NBAS: variants seen among roughly 807,000 people sequenced by gnomAD.
NBAS encodes NBAS subunit of NRZ tethering complex, also known as NAG/BC035112 fusion.
A neutral mutation model predicts 302.5 loss-of-function variants in NBAS; 219 were observed. The ratio of observed to expected loss-of-function variants is 0.72; its 90% CI spans 0.65 to 0.81. The LOEUF is 0.81. Among genes scored for constraint, NBAS ranks in the 30% least tolerant of loss-of-function variants. NBAS has a pLI of 0.00. For synonymous variants in NBAS, 1,118 were observed against 1,021.6 expected, an observed-to-expected ratio of 1.09 and a Z score of -1.80; for missense variants, 2,932 against 2,841.6, an observed-to-expected ratio of 1.03 and a Z score of -0.72.
intron 28 of NBAS, among the ~76,000 whole-genome samples, chr2:15,392,498 G>T (rs1485358838): frequency 1.3e-5 from 2 of 151,886 alleles, no homozygotes; most frequent in African/African-American, 2.4e-5. Context: ...ATCTGAAGAT[G>T]AAATTAAGAA....
At chr2:15,361,613 G>A (rs1174501032) in intron 32 of NBAS, among the ~76,000 whole-genome samples, 1 of 152,138 alleles carries the variant, frequency 6.6e-6, no homozygotes, top group Non-Finnish European at 1.5e-5. Context: ...ATGTAATTTG[G>A]ATATGTAGGC....
intron 21 of NBAS, among the ~76,000 whole-genome samples, chr2:15,446,053 A>G (rs1248724362): frequency 6.6e-6 from 1 of 152,048 alleles, no homozygotes; most frequent in Non-Finnish European, 1.5e-5. Context: ...AGATATGATC[A>G]CATGGTCAAC....
At chr2:15,298,864 C>A (rs149885262) in intron 40 of NBAS, among the ~76,000 whole-genome samples, 1 of 152,162 alleles carries the variant, frequency 6.6e-6, no homozygotes, top group South Asian at 2.1e-4. Context: ...TTTAGAGACA[C>A]GCCCATTTGT....
intron 11 of NBAS, among the ~76,000 whole-genome samples, chr2:15,494,787 G>C (rs1445418267): frequency 1.3e-5 from 2 of 152,126 alleles, no homozygotes; most frequent in African/African-American, 2.4e-5. Flanking sequence ...TAGAAATCTA[G>C]GCTGGAAAAA....
At chr2:15,359,264 CAATT>C (rs1401456293) in intron 32 of NBAS, among the ~76,000 whole-genome samples, 2 of 152,062 alleles carry the variant, frequency 1.3e-5, no homozygotes, top group Admixed American at 1.3e-4. Context: ...TGTCTATTGT[CAATT>C]AATTCACAGG....
chr2:14,811,425 T>G, the NBAS span, among the ~76,000 whole-genome samples: 8 of 151,898 alleles, frequency 5.3e-5, no homozygotes, highest in Admixed American at 5.2e-4. Context: ...AAAAAAAGAA[T>G]AAGGTTTTCG....
At chr2:15,217,380 G>A (rs1483538378) in intron 48 of NBAS, among the ~76,000 whole-genome samples, 1 of 152,112 alleles carries the variant, frequency 6.6e-6, no homozygotes, top group Non-Finnish European at 1.5e-5. Flanking sequence ...TCTCACAGAG[G>A]GAAATAAGAC....
intron 7 of NBAS, chr2:15,538,386 AT>A: frequency 2.3e-6 from 1 of 436,358 alleles, no homozygotes; most frequent in Non-Finnish European, 4.6e-6. Context: ...TGAAAAAAAA[AT>A]CATTATCTAT....
intron 21 of NBAS, among the ~76,000 whole-genome samples, chr2:15,436,915 A>G (rs892860568): frequency 4.6e-5 from 7 of 152,194 alleles, no homozygotes; most frequent in Non-Finnish European, 8.8e-5. Context: ...ATAGATAGAC[A>G]GGAGGATGGA....
At chr2:14,856,200 C>T in the NBAS span, among the ~76,000 whole-genome samples, 1 of 152,202 alleles carries the variant, frequency 6.6e-6, no homozygotes, top group African/African-American at 2.4e-5. Context: ...ACAATCAAGG[C>T]AGTACCTCTA....
At chr2:14,981,162 G>A in the NBAS span, among the ~76,000 whole-genome samples, 1 of 152,042 alleles carries the variant, frequency 6.6e-6, no homozygotes, top group East Asian at 1.9e-4. Flanking sequence ...CCCACCAAGT[G>A]ACCCAGCACA....
chr2:15,248,747 C>T (rs1468436411), intron 44 of NBAS, among the ~76,000 whole-genome samples: 2 of 152,140 alleles, frequency 1.3e-5, no homozygotes, highest in Non-Finnish European at 2.9e-5. Flanking sequence ...CACATACACC[C>T]TCCCAAGACT....
the NBAS span, among the ~76,000 whole-genome samples, chr2:14,808,858 T>C: frequency 6.6e-6 from 1 of 152,208 alleles, no homozygotes; most frequent in African/African-American, 2.4e-5. Flanking sequence ...GTCAATGATA[T>C]GGACAATGAA....
intron 44 of NBAS, 145 bp from the exon 45 acceptor site, chr2:15,238,831 T>G: frequency 1.4e-6 from 1 of 692,884 alleles, no homozygotes; most frequent in Non-Finnish European, 2.3e-6. Flanking sequence ...TAGTTTTTCT[T>G]CTGTGAAGAA....
At position 15,330,587 on chromosome 2, in the gene NBAS, G is replaced by C. The variant is rs200303979; in HGVS notation, c.4347+11C>G. 5.6e-6 allele frequency: 9 copies of C among 1,613,360 alleles called. No homozygotes were observed. In the African/African-American group the frequency reaches 1.1e-4, roughly 19 times the overall value. ...TGCAGTTGATTTTAAAAAGAAAGAT[G>C]CACTGCTTACCTGAAGGGGTCGAAG... is the stretch of plus-strand genomic sequence containing the variant. On this transcript the variant is annotated intron_variant, in intron 36 of 51. Coordinates refer to ENST00000281513, the MANE Select transcript of NBAS (RefSeq NM_015909.4).
At chr2:14,862,601 AAAT>A in the NBAS span, among the ~76,000 whole-genome samples, 2 of 152,216 alleles carry the variant, frequency 1.3e-5, no homozygotes, top group Non-Finnish European at 2.9e-5. Flanking sequence ...TGTAAAATTA[AAAT>A]AATAACTAAA....
the NBAS span, among the ~76,000 whole-genome samples, chr2:14,872,217 T>C: frequency 7.2e-5 from 11 of 152,048 alleles, 1 homozygote; most frequent in Admixed American, 7.2e-4. Context: ...TGTATAACAA[T>C]AGAACTTTAA....
chr2:15,220,081 T>TG (rs1666873118), intron 47 of NBAS, among the ~76,000 whole-genome samples: 1 of 139,014 alleles, frequency 7.2e-6, no homozygotes, highest in Non-Finnish European at 1.6e-5. Context: ...GGCGGGGGGC[T>TG]GACCCCCCCC....
At chr2:14,959,266 A>C in the NBAS span, among the ~76,000 whole-genome samples, 1 of 152,256 alleles carries the variant, frequency 6.6e-6, no homozygotes, top group Non-Finnish European at 1.5e-5. Flanking sequence ...CACCAGGTAC[A>C]TTGAGACATG....
Sources: allele counts gnomAD v4.1 joint callset (sites outside exome capture counted in the v4.1 genomes callset), GRCh38; gene constraint gnomAD v4.1.1; transcripts MANE v1.5; gene names NCBI Gene and HGNC (gene_info 2026-07-23, HGNC 2026-07-21).